The following ANO1 variants were observed in gnomAD, a reference collection of about 807,000 sequenced individuals.
The protein encoded by ANO1 is anoctamin 1, also known as anoctamin-1.
A neutral mutation model predicts 124.0 loss-of-function variants in ANO1; 59 were observed. The observed-to-expected ratio is 0.48, with a 90% CI of 0.39 to 0.59. ANO1 has a LOEUF of 0.59. Ranked by LOEUF, ANO1 falls within the 20% of genes least tolerant of loss-of-function variation. ANO1 has a pLI of 0.00. For synonymous variants in ANO1, 529 were observed against 532.0 expected, an observed-to-expected ratio of 0.99 and a Z score of 0.08; for missense variants, 1,059 against 1,328.0, an observed-to-expected ratio of 0.80 and a Z score of 3.15.
At position 70,010,177 on chromosome 11, in the gene ANO1, G is replaced by GTATATATATATATATATATA. The variant is rs1168022913; in HGVS notation, c.58+24012_58+24013insATATATATATATATATATAT. 4.4e-4 allele frequency among the ~76,000 whole-genome samples: 24 copies of GTATATATATATATATATATA among 54,494 alleles called. 1 individual carries two copies. Among genetic ancestry groups the GTATATATATATATATATATA allele is most frequent in the African/African-American group, 1.4e-3 (24 of 17,640 alleles). 35.8% of individuals were successfully genotyped at this position (54,494 alleles called of 152,430 possible). A position where few individuals can be genotyped will look rare whatever the true frequency, so the allele number is the denominator to read the frequency against. On this transcript the variant is annotated intron_variant, in intron 1 of 27. Transcript: ENST00000531349. ...TGTGTGTGTGTGTGCGCGTGTGTGT[G>GTATATATATATATATATATA]TGTATATATATATATATATATCACA...
At chr11:70,008,718 CCAA>C (rs1264016707) in intron 1 of ANO1, among the ~76,000 whole-genome samples, 1 of 151,838 alleles carries the variant, frequency 6.6e-6, no homozygotes, top group Non-Finnish European at 1.5e-5. Flanking sequence ...CAATTTTTGC[CCAA>C]CTTTTAATGA....
intron 1 of ANO1, among the ~76,000 whole-genome samples, chr11:70,021,272 C>T (rs554605820): frequency 2.4e-4 from 37 of 152,276 alleles, no homozygotes; most frequent in African/African-American, 8.2e-4. Flanking sequence ...AAGACTAAAG[C>T]TCTGTTTCAT....
intron 1 of ANO1, among the ~76,000 whole-genome samples, chr11:70,081,292 T>A (rs994702919): frequency 1.3e-5 from 2 of 152,200 alleles, no homozygotes; most frequent in Non-Finnish European, 2.9e-5. Context: ...CTGGTGGTTG[T>A]CCATGGTCTG....
chr11:70,188,262 G>A lies in ANO1; in HGVS notation c.*258G>A. 1.9e-6 allele frequency: 1 copy of A among 538,114 alleles called. No homozygotes were observed. The highest frequency in any genetic ancestry group is 3.3e-6 in the Non-Finnish European group (1 of 305,480). 33.3% of individuals were successfully genotyped at this position (538,114 alleles called of 1,614,324 possible). A position where few individuals can be genotyped will look rare whatever the true frequency, so the allele number is the denominator to read the frequency against. ...AATCAAAATGATGGCTGGTAATACG[G>A]CAATAAGGTAGCAAAGGCAGGTGCT... On this transcript the variant is annotated 3_prime_UTR_variant, in exon 26 of 26. Coordinates refer to ENST00000355303, the MANE Select transcript of ANO1 (RefSeq NM_018043.7).
intron 12 of ANO1, 48 bp downstream of exon 12, chr11:70,149,840 C>T: frequency 6.3e-7 from 1 of 1,592,994 alleles, no homozygotes. Context: ...CCCACGTTCC[C>T]CCTACCCCAG....
rs190162657 is a variant in ANO1, at chr11:70,167,401, G to C, written c.2197+14G>C. ...ACATGGAAATGAGTGAGTGATGGCC[G>C]GGGCAGGCAGGTGACATCAGGATAG... On this transcript the variant is annotated intron_variant, in intron 21 of 25. Transcript: ENST00000355303. 1.2e-6 allele frequency: 2 copies of C among 1,603,920 alleles called. No homozygotes were observed. The highest frequency in any genetic ancestry group is 4.5e-5 in the East Asian group (2 of 44,358).
Position 70,149,737 on chromosome 11 carries a change from G to A in ANO1, c.1286G>A (p.Arg429Gln), listed in dbSNP as rs1489451483. 5.0e-6 allele frequency: 8 copies of A among 1,613,744 alleles called. No individual in the cohort carries two copies. The highest frequency in any genetic ancestry group is 5.9e-6 in the Non-Finnish European group (7 of 1,179,834). ...WAATFMEHWK[R>Q]KQMRLNYRWD... is the part of the protein sequence containing the mutation. ...GCCACCTTCATGGAGCACTGGAAGCGGAAACAGATGCGACTCAACTACCGC... is the reference window on the plus strand; with the variant it reads ...GCCACCTTCATGGAGCACTGGAAGCAGAAACAGATGCGACTCAACTACCGC... The change falls in exon 12 of 26, where the codon CGG becomes CAG. Residue 429 changes from arginine (R) to glutamine (Q), a missense_variant. This residue lies in a region of ANO1 where 809 missense variants were observed against 1,094.9 expected (regional missense o/e 0.74). Transcript: ENST00000355303.
chr11:70,169,949 C>A (rs1293768777), intron 21 of ANO1: 1 of 331,664 alleles, frequency 3.0e-6, no homozygotes, highest in Non-Finnish European at 6.0e-6. Context: ...CAGTTCCACT[C>A]AGAAACCTTT....
chr11:70,120,780 G>A (rs1031632529), intron 8 of ANO1, among the ~76,000 whole-genome samples: 12 of 152,158 alleles, frequency 7.9e-5, no homozygotes, highest in Non-Finnish European at 1.3e-4. Flanking sequence ...AGGGGGTTTC[G>A]ACAAGAGAGA....
chr11:70,131,377 G>T (rs916236090), intron 10 of ANO1, among the ~76,000 whole-genome samples: 2 of 152,192 alleles, frequency 1.3e-5, no homozygotes, highest in African/African-American at 2.4e-5. Flanking sequence ...ACCCAGGCTG[G>T]AGTGCAGTGA....
rs745921975 is a variant in ANO1, at chr11:70,111,133, C to G, written c.800-574C>G. On this transcript the variant is annotated intron_variant, in intron 6 of 25. Coordinates refer to ENST00000355303, the MANE Select transcript of ANO1 (RefSeq NM_018043.7). ...TAGCCAATGTATAAACAGGGCAAGGCGAGGGAAGAAAGAAGGACTCCGCCC... is the reference window on the plus strand; with the variant it reads ...TAGCCAATGTATAAACAGGGCAAGGGGAGGGAAGAAAGAAGGACTCCGCCC... The G allele has an allele frequency of 4.4e-5, 20 of 456,584 alleles. No individual in the cohort carries two copies. The Admixed American group carries it at 4.5e-4, about 10-fold the overall frequency. The allele number at this position is 456,584 out of a possible 1,614,324, so 28.3% of individuals were successfully genotyped here.
At chr11:69,976,670 G>GC in the ANO1 span, among the ~76,000 whole-genome samples, 9,886 of 151,888 alleles carry the variant, frequency 0.065, 383 homozygotes, top group Middle Eastern at 0.15. Flanking sequence ...GGAGGAACCA[G>GC]CCCTGCGACG....
At chr11:70,149,261 C>T (rs2047500662) in intron 11 of ANO1, among the ~76,000 whole-genome samples, 1 of 152,198 alleles carries the variant, frequency 6.6e-6, no homozygotes, top group South Asian at 2.1e-4. Flanking sequence ...AATGACGGCT[C>T]TTGCCTCACA....
intron 11 of ANO1, among the ~76,000 whole-genome samples, chr11:70,141,302 G>A (rs1394939366): frequency 6.6e-6 from 1 of 152,180 alleles, no homozygotes; most frequent in Non-Finnish European, 1.5e-5. Flanking sequence ...CACACCTAGT[G>A]CCTTGCGCCC....
intron 1 of ANO1, among the ~76,000 whole-genome samples, chr11:70,021,514 G>A (rs1856808935): frequency 6.6e-6 from 1 of 151,220 alleles, no homozygotes; most frequent in Non-Finnish European, 1.5e-5. Flanking sequence ...AAATTAAACA[G>A]AAACAGAATG....
intron 25 of ANO1, among the ~76,000 whole-genome samples, chr11:70,186,316 A>G (rs915141821): frequency 4.3e-5 from 5 of 116,286 alleles, no homozygotes; most frequent in African/African-American, 1.5e-4. Flanking sequence ...AAAGAAGGAG[A>G]AGGAGAGGAG....
chr11:70,171,183 T>G, intron 22 of ANO1, 144 bp downstream of exon 22: 1 of 1,203,898 alleles, frequency 8.3e-7, no homozygotes, highest in South Asian at 1.5e-5. Flanking sequence ...GGGTGGAGCC[T>G]GGGGGCAGGT....
At chr11:69,985,477 T>C (rs1188618286), upstream of ANO1, among the ~76,000 whole-genome samples, 2 of 152,116 alleles carry the variant, frequency 1.3e-5, no homozygotes, top group Non-Finnish European at 2.9e-5. Flanking sequence ...GTCGGGGTCC[T>C]GCCGCCTGGG....
At chr11:70,009,755 G>A (rs1444426031) in intron 1 of ANO1, among the ~76,000 whole-genome samples, 2 of 152,074 alleles carry the variant, frequency 1.3e-5, no homozygotes, top group Non-Finnish European at 2.9e-5. Context: ...AGGCAGAGAG[G>A]GGAGAGGTGT....
Sources: gnomAD v4.1 joint callset for allele counts (sites outside exome capture counted in the v4.1 genomes callset) on GRCh38, gnomAD v4.1.1 for gene constraint, gnomAD v4.1.1 regional missense constraint, MANE v1.5 for transcripts, NCBI Gene and HGNC (gene_info 2026-07-23, HGNC 2026-07-21) for gene names.